DNAAF11: variants seen among roughly 807,000 people sequenced by gnomAD.
DNAAF11 encodes dynein axonemal assembly factor 11, also known as leucine rich repeat containing 6.
Under a neutral mutation model 60.8 loss-of-function variants are expected in DNAAF11, and 45 were observed. The ratio of observed to expected loss-of-function variants is 0.74; its 90% CI spans 0.58 to 0.95. DNAAF11 has a LOEUF of 0.95. Among genes scored for constraint, DNAAF11 ranks in the 40% least tolerant of loss-of-function variants. DNAAF11 has a pLI of 0.00. For synonymous variants in DNAAF11, 191 were observed against 183.5 expected, an observed-to-expected ratio of 1.04 and a Z score of -0.33; for missense variants, 546 against 546.2, an observed-to-expected ratio of 1.00 and a Z score of 0.00.
At chr8:132,592,778 T>C (rs145286311) in intron 10 of DNAAF11, among the ~76,000 whole-genome samples, 3 of 152,024 alleles carry the variant, frequency 2.0e-5, no homozygotes, top group Non-Finnish European at 4.4e-5. Flanking sequence ...AAGACAAAGA[T>C]TGAATTTGAG....
intron 3 of DNAAF11, among the ~76,000 whole-genome samples, chr8:132,645,117 G>A (rs1469592113): frequency 6.6e-6 from 1 of 152,168 alleles, no homozygotes; most frequent in African/African-American, 2.4e-5. Context: ...ACAGCCAAGT[G>A]CCCCTCTGAG....
At position 132,625,452 on chromosome 8, in the gene DNAAF11, G is replaced by T. The variant is rs139065705; in HGVS notation, c.656C>A (p.Ser219Tyr). ...RWYTDINATL[S>Y]SLESKDHLQA... ...TAGGTGGTCTTTGCTCTCTAAAGAG[G>T]AACTAGGAAAAACAAATAGAGCACT... Residue 219 changes from serine to tyrosine, a missense_variant and splice_region_variant, in exon 6 of 12, where the codon TCC becomes TAC. Ser to Tyr is a moderately radical substitution (Grantham distance 144). Transcript: ENST00000620350. The T allele has an allele frequency of 3.1e-6, 5 of 1,594,954 alleles. No homozygotes were observed. Among genetic ancestry groups the T allele is most frequent in the Non-Finnish European group, 3.4e-6 (4 of 1,173,134 alleles).
rs538366477 is a variant in DNAAF11, at chr8:132,635,773, A to G, written c.429+2162T>C. On this transcript the variant is annotated intron_variant, in intron 4 of 11. Transcript: ENST00000620350. ...GGGACTTTCTGGAAACAGGGTCACTATGGATATAATTCACTGAGACTAAAT... is the reference window on the plus strand; with the variant it reads ...GGGACTTTCTGGAAACAGGGTCACTGTGGATATAATTCACTGAGACTAAAT... Among the ~76,000 whole-genome samples, 4 of 152,322 alleles carry G rather than the reference A, an allele frequency of 2.6e-5. No individual in the cohort carries two copies. The South Asian group carries it at 6.2e-4, about 24-fold the overall frequency.
chr8:132,696,244 C>A, the DNAAF11 span, among the ~76,000 whole-genome samples: 9 of 152,192 alleles, frequency 5.9e-5, no homozygotes, highest in Non-Finnish European at 1.2e-4. Context: ...CAATAATATA[C>A]TACTTCACAT....
chr8:132,593,856 C>T (rs561751290), intron 10 of DNAAF11, among the ~76,000 whole-genome samples: 1 of 151,986 alleles, frequency 6.6e-6, no homozygotes, highest in Non-Finnish European at 1.5e-5. Context: ...AAAAATGACC[C>T]TTAACCACTA....
At chr8:132,599,636 A>G (rs947920626) in intron 10 of DNAAF11, among the ~76,000 whole-genome samples, 18 of 152,220 alleles carry the variant, frequency 1.2e-4, no homozygotes, top group Non-Finnish European at 5.9e-5. Context: ...AAATCAATAA[A>G]TGTAATCCAG....
At chr8:132,653,145 A>C (rs1289942103) in intron 3 of DNAAF11, among the ~76,000 whole-genome samples, 1 of 152,202 alleles carries the variant, frequency 6.6e-6, no homozygotes, top group Non-Finnish European at 1.5e-5. Context: ...TCCAATTGAA[A>C]GAAGTTCTTG....
At chr8:132,657,317 GA>G (rs1378329574) in intron 2 of DNAAF11, among the ~76,000 whole-genome samples, 11 of 152,146 alleles carry the variant, frequency 7.2e-5, no homozygotes, top group Admixed American at 7.2e-4. Context: ...AGATAAAAGG[GA>G]AGGATCTATA....
intron 1 of DNAAF11, among the ~76,000 whole-genome samples, chr8:132,669,241 T>C (rs1586747701): frequency 6.6e-6 from 1 of 152,048 alleles, no homozygotes; most frequent in Non-Finnish European, 1.5e-5. Context: ...ACTGGAAGAG[T>C]TGATACCAGA....
chr8:132,623,186 C>A (rs1483550931), intron 6 of DNAAF11, among the ~76,000 whole-genome samples: 6 of 151,964 alleles, frequency 3.9e-5, no homozygotes, highest in Admixed American at 3.9e-4. Context: ...AGTAGCAAAC[C>A]CCTGGAACTG....
chr8:132,641,275 T>C (rs1821828321), intron 3 of DNAAF11, among the ~76,000 whole-genome samples: 1 of 152,198 alleles, frequency 6.6e-6, no homozygotes, highest in Non-Finnish European at 1.5e-5. Context: ...ACATTGTCTT[T>C]TCTTTGGTTC....
At chr8:132,690,425 T>G in the DNAAF11 span, among the ~76,000 whole-genome samples, 1 of 152,322 alleles carries the variant, frequency 6.6e-6, no homozygotes, top group Non-Finnish European at 1.5e-5. Context: ...CGATTGTAAG[T>G]TTCCTGAGGT....
chr8:132,625,850 T>C (rs961870933), intron 5 of DNAAF11, among the ~76,000 whole-genome samples: 9 of 152,182 alleles, frequency 5.9e-5, no homozygotes, highest in African/African-American at 1.9e-4. Flanking sequence ...CCTGGGAATC[T>C]GTGTTTTATA....
At chr8:132,608,557 C>A (rs1455507996) in intron 10 of DNAAF11, 3 of 423,472 alleles carry the variant, frequency 7.1e-6, no homozygotes, top group African/African-American at 2.0e-5. Flanking sequence ...TGGCACCCTG[C>A]AAAAGATACA....
chr8:132,655,266 C>T (rs911329611), intron 3 of DNAAF11, among the ~76,000 whole-genome samples: 58 of 152,090 alleles, frequency 3.8e-4, no homozygotes, highest in African/African-American at 1.3e-3. Flanking sequence ...AATCAATAAA[C>T]TTTCCCAAAG....
chr8:132,698,944 A>ATTTTGTGTGTG, the DNAAF11 span, among the ~76,000 whole-genome samples: 3 of 142,542 alleles, frequency 2.1e-5, no homozygotes, highest in Non-Finnish European at 1.5e-5. Context: ...ATACATATAT[A>ATTTTGTGTGTG]TATATATATA....
At chr8:132,629,056 A>T (rs886625657) in intron 5 of DNAAF11, among the ~76,000 whole-genome samples, 5 of 152,212 alleles carry the variant, frequency 3.3e-5, no homozygotes, top group Admixed American at 6.5e-5. Flanking sequence ...TGGACAAAGG[A>T]TGTTTATCCT....
intron 10 of DNAAF11, among the ~76,000 whole-genome samples, chr8:132,596,851 G>A (rs1308178142): frequency 2.6e-5 from 4 of 152,198 alleles, no homozygotes; most frequent in African/African-American, 4.8e-5. Context: ...TCCCAGCCTC[G>A]AAGGGACTGT....
intron 3 of DNAAF11, chr8:132,643,366 G>C (rs1822048382): frequency 3.5e-6 from 1 of 287,956 alleles, no homozygotes; most frequent in Admixed American, 4.2e-5. Flanking sequence ...GTGTAGCCCA[G>C]GACTGACCTG....
Sources: allele counts gnomAD v4.1 joint callset (sites outside exome capture counted in the v4.1 genomes callset), GRCh38; gene constraint gnomAD v4.1.1; transcripts MANE v1.5; gene names NCBI Gene and HGNC (gene_info 2026-07-23, HGNC 2026-07-21).